Variants in SACS observed in about 807,000 individuals in gnomAD.
SACS encodes the protein sacsin molecular chaperone.
In SACS, 197 loss-of-function variants were observed where a neutral mutation model predicts 348.0. That is an observed-to-expected ratio of 0.57 (90% confidence interval 0.50 to 0.64). The LOEUF (loss-of-function observed/expected upper bound fraction) is 0.64, where lower values mean the gene tolerates loss of function less well. Ranked by LOEUF, SACS falls within the 30% of genes least tolerant of loss-of-function variation. The pLI, the probability that SACS is intolerant of heterozygous loss-of-function variation, is 0.00. For missense variants in SACS, 4,999 were observed against 5,360.8 expected, an observed-to-expected ratio of 0.93 and a Z score of 2.11; for synonymous variants, 1,985 against 1,910.6, an observed-to-expected ratio of 1.04 and a Z score of -1.02.
intron 6 of SACS, among the ~76,000 whole-genome samples, chr13:23,363,702 C>T (rs569849838): frequency 9.9e-5 from 15 of 152,274 alleles, no homozygotes; most frequent in African/African-American, 2.4e-4. Context: ...CAGCACATAC[C>T]GTCATCAGTA....
chr13:23,338,383 C>G lies in SACS; in HGVS notation c.5493G>C (p.Lys1831Asn), dbSNP rs1593129949. The G allele has an allele frequency of 6.2e-7, 1 of 1,613,996 alleles. No individual in the cohort carries two copies. Among genetic ancestry groups the G allele is most frequent in the African/African-American group, 1.3e-5 (1 of 74,924 alleles). The change falls in exon 10 of 10, where the codon AAG becomes AAC. Residue 1831 changes from lysine to asparagine, a missense_variant. This residue lies in a region of SACS where 3,156 missense variants were observed against 3,380.1 expected (regional missense o/e 0.93). Coordinates refer to ENST00000382292, the MANE Select transcript of SACS (RefSeq NM_014363.6). ...CTCMDTGEAL[K>N]FSLSESGRRL... ...TTCTTCCACTCTCACTCAGGGAAAACTTCAGAGCCTCTCCTGTGTCCATGC... is the reference window on the plus strand; with the variant it reads ...TTCTTCCACTCTCACTCAGGGAAAAGTTCAGAGCCTCTCCTGTGTCCATGC...
rs769965417 is a variant in SACS, at chr13:23,354,712, C to A, written c.1900G>T (p.Val634Leu). 3 of 1,613,652 alleles carry A rather than the reference C, an allele frequency of 1.9e-6. No individual in the cohort carries two copies. Among genetic ancestry groups the A allele is most frequent in the East Asian group, 2.2e-5 (1 of 44,890 alleles). Residue 634 changes from valine to leucine, a missense_variant, in exon 8 of 10, where the codon GTG (valine) becomes TTG (leucine). Around this residue, in one of 6 missense-constraint regions of SACS, gnomAD observed 3,156 missense variants for 3,380.1 expected, o/e 0.93. Transcript: ENST00000382292. The part of the protein sequence containing the change: ...RKVTPAWVRQ[V>L]LRKCAHLGCA... The stretch of plus-strand genomic sequence containing the variant: ...CCCAGGTGTGCACACTTCCGCAGCA[C>A]CTGCCGCACCCACGCGGGCGTCACC...
intron 9 of SACS, among the ~76,000 whole-genome samples, chr13:23,349,367 A>T (rs1219256011): frequency 6.6e-6 from 1 of 152,238 alleles, no homozygotes; most frequent in Non-Finnish European, 1.5e-5. Context: ...TCAAAATGAG[A>T]AACAGATTTG....
chr13:23,387,463 G>GAAA (rs60355580), intron 2 of SACS, among the ~76,000 whole-genome samples: 27 of 91,334 alleles, frequency 3.0e-4, no homozygotes, highest in East Asian at 9.2e-4. Flanking sequence ...CTCCGTCTCA[G>GAAA]AAAAAAAAAA....
chr13:23,370,983 C>T, intron 4 of SACS, 95 bp downstream of exon 4: 1 of 740,094 alleles, frequency 1.4e-6, no homozygotes, highest in Non-Finnish European at 2.3e-6. Context: ...TAGGGCGAGA[C>T]TCAGTTTCAA....
chr13:23,351,705 A>G (rs1257251483), intron 9 of SACS, among the ~76,000 whole-genome samples: 2 of 152,180 alleles, frequency 1.3e-5, no homozygotes, highest in African/African-American at 4.8e-5. Context: ...GGGTTATTAA[A>G]TAATCATGAA....
chr13:23,340,935 A>G lies in SACS; in HGVS notation c.2941T>C (p.Leu981=), dbSNP rs1869147099. 2 of 1,614,086 alleles carry G rather than the reference A, an allele frequency of 1.2e-6. No homozygotes were observed. The highest frequency in any genetic ancestry group is 1.7e-6 in the Non-Finnish European group (2 of 1,179,918). ...GTGGTCTTTAACTGTTCTATTTTCA[A>G]CATGTTTGCCAGACGAATAGTAGCT... The part of the protein sequence containing the change: ...DEATIRLANM[L]KIEQLKTTSC... The change falls in exon 10 of 10, where the codon TTG becomes CTG. Residue 981 remains leucine, a synonymous_variant. Transcript: ENST00000382292.
intron 2 of SACS, among the ~76,000 whole-genome samples, chr13:23,403,177 TAA>T (rs879882036): frequency 7.2e-5 from 10 of 139,172 alleles, no homozygotes; most frequent in South Asian, 4.6e-4. Context: ...GACTCCACCT[TAA>T]AAAAAAAAAA....
chr13:23,407,981 T>C (rs530059564), intron 2 of SACS, among the ~76,000 whole-genome samples: 35 of 152,306 alleles, frequency 2.3e-4, no homozygotes, highest in African/African-American at 6.5e-4. Context: ...ACACTGCACA[T>C]TGGCTGTGAA....
chr13:23,373,222 G>T (rs1871504636), intron 3 of SACS, among the ~76,000 whole-genome samples: 1 of 152,180 alleles, frequency 6.6e-6, no homozygotes, highest in South Asian at 2.1e-4. Flanking sequence ...AAAGGAGTAA[G>T]AATGACAAAC....
chr13:23,414,059 C>T (rs944284762), intron 1 of SACS, among the ~76,000 whole-genome samples: 2 of 152,260 alleles, frequency 1.3e-5, no homozygotes, highest in South Asian at 2.1e-4. Flanking sequence ...AATCCCAGCA[C>T]GTTGGGAGGC....
rs1349954695 is a variant in SACS, at chr13:23,399,283, T to C, written c.20+11937A>G. Reference sequence around the variant, plus strand: ...TTTAATTTCTGACCTCCTTTGTTCTTTGTTCTCGAGATCAACTTCCTTGTC... The same window carrying C: ...TTTAATTTCTGACCTCCTTTGTTCTCTGTTCTCGAGATCAACTTCCTTGTC... On this transcript the variant is annotated intron_variant, in intron 2 of 9. Transcript: ENST00000382292. Among the ~76,000 whole-genome samples, 7 of 152,170 alleles carry C rather than the reference T, an allele frequency of 4.6e-5. No homozygotes were observed. The East Asian group carries it at 1.3e-3, about 29-fold the overall frequency.
At chr13:23,371,554 T>G (rs1029814824) in intron 3 of SACS, among the ~76,000 whole-genome samples, 12 of 152,200 alleles carry the variant, frequency 7.9e-5, no homozygotes, top group Admixed American at 7.2e-4. Context: ...AAAAAATTGT[T>G]TTTAAATTAG....
chr13:23,376,323 G>A (rs895740482), intron 2 of SACS, among the ~76,000 whole-genome samples: 2 of 152,072 alleles, frequency 1.3e-5, no homozygotes, highest in Non-Finnish European at 2.9e-5. Context: ...GGGGCTTAGA[G>A]GCTTGGGGGA....
intron 2 of SACS, among the ~76,000 whole-genome samples, chr13:23,392,085 C>G (rs1334716410): frequency 1.3e-5 from 2 of 152,156 alleles, no homozygotes; most frequent in Non-Finnish European, 2.9e-5. Context: ...TGAGGGAAAC[C>G]AAGTCTACCG....
chr13:23,374,159 G>C (rs1029157377), intron 3 of SACS: 3 of 152,180 alleles, frequency 2.0e-5, no homozygotes, highest in Non-Finnish European at 2.9e-5. Context: ...GCATGCCAAC[G>C]AACACCTTGG....
Position 23,330,581 on chromosome 13 carries a change from A to G in SACS, c.13295T>C (p.Phe4432Ser), listed in dbSNP as rs767528078. ...PSAGQTYSQR[F>S]FVPPTFKSVG... ...CGACTTGAAAGTGGGAGGAACAAAG[A>G]ACCTTTGAGAGTAAGTCTGTCCGGC... The change falls in exon 10 of 10, where the codon TTC becomes TCC. Residue 4432 changes from phenylalanine (F) to serine (S), a missense_variant. By Grantham distance (155) the Phe-to-Ser change is radical. Around this residue, in one of 6 missense-constraint regions of SACS, gnomAD observed 254 missense variants for 275.1 expected, o/e 0.92. Transcript: ENST00000382292. The G allele has an allele frequency of 1.2e-6, 2 of 1,613,924 alleles. No individual in the cohort carries two copies. Among genetic ancestry groups the G allele is most frequent in the African/African-American group, 2.7e-5 (2 of 74,912 alleles).
chr13:23,344,903 AT>A (rs1314647721), intron 9 of SACS, among the ~76,000 whole-genome samples: 3 of 152,190 alleles, frequency 2.0e-5, no homozygotes, highest in African/African-American at 7.2e-5. Flanking sequence ...AGACTGCACT[AT>A]TTTTTATTGT....
intron 8 of SACS, 86 bp from the exon 9 acceptor site, chr13:23,353,962 T>G (rs776716666): frequency 1.7e-4 from 137 of 820,072 alleles, no homozygotes; most frequent in Non-Finnish European, 2.6e-4. Context: ...TCAAGTCAGT[T>G]AAGCCGACTA....
Sources: gnomAD v4.1 joint callset for allele counts (sites outside exome capture counted in the v4.1 genomes callset) on GRCh38, gnomAD v4.1.1 for gene constraint, gnomAD v4.1.1 regional missense constraint, MANE v1.5 for transcripts, NCBI Gene and HGNC (gene_info 2026-07-23, HGNC 2026-07-21) for gene names.